Variants in CPSF1 observed in about 807,000 individuals in gnomAD.
The protein encoded by CPSF1 is cleavage and polyadenylation specificity factor subunit 1.
A neutral mutation model predicts 175.8 loss-of-function variants in CPSF1; 106 were observed. The observed-to-expected ratio is 0.60, with a 90% CI of 0.52 to 0.71. The LOEUF (loss-of-function observed/expected upper bound fraction) is 0.71. Ranked by LOEUF, CPSF1 falls within the 30% of genes least tolerant of loss-of-function variation. The pLI is 0.00. For missense variants in CPSF1, 1,734 were observed against 2,022.9 expected (o/e 0.86, Z 2.74); for synonymous variants, 1,024 against 858.3 (o/e 1.19, Z -3.37).
chr8:144,397,766 G>A lies in CPSF1; in HGVS notation c.2187C>T (p.Ala729=), dbSNP rs782169258. The change falls in exon 21 of 38, where the codon GCC becomes GCT. Residue 729 remains alanine (A), a synonymous_variant. Coordinates refer to ENST00000616140, the MANE Select transcript of CPSF1 (RefSeq NM_013291.3). ...DELGGRSGPE[A]EGLGSETSPT... ...ACCTAGTCTCTGAGCCCAGGCCCTC[G>A]GCCTCCGGGCCACTGCGGCCCCCGA... is the stretch of plus-strand genomic sequence containing the variant. 3.3e-5 allele frequency: 53 copies of A among 1,608,246 alleles called. No homozygotes were observed. Among genetic ancestry groups the A allele is most frequent in the East Asian group, 4.5e-5 (2 of 44,758 alleles).
intron 6 of CPSF1, 22 bp from the exon 7 acceptor site, chr8:144,400,839 C>G (rs2116878780): frequency 1.9e-6 from 3 of 1,612,318 alleles, no homozygotes; most frequent in South Asian, 2.2e-5. Flanking sequence ...GGGGCTTCAG[C>G]AGGAGAGGAG....
chr8:144,398,103 G>A lies in CPSF1; in HGVS notation c.1924C>T (p.Leu642=). 3.1e-6 allele frequency: 5 copies of A among 1,603,322 alleles called. No individual in the cohort carries two copies. Among genetic ancestry groups the A allele is most frequent in the Non-Finnish European group, 3.4e-6 (4 of 1,174,862 alleles). ...VNQLHFIPVD[L]GAPIVQCAVA... ...GCGCACTGCACGATGGGGGCGCCCA[G>A]GTCCACGGGGATGAAGTGCAGCTGA... Residue 642 remains leucine (L), a synonymous_variant, in exon 20 of 38, where the codon CTG becomes TTG. Coordinates refer to ENST00000616140, the MANE Select transcript of CPSF1 (RefSeq NM_013291.3).
rs373599388 is a variant in CPSF1 at position 144,396,014 on chromosome 8, C to G, written c.2979+334G>C. ...GGATGAGAAAGCCTGTGTGCCCTCC[C>G]AAAGTCACAGAGCAGCCAAGGGGCA... On this transcript the variant is annotated intron_variant, in intron 26 of 37. Coordinates refer to ENST00000616140, the MANE Select transcript of CPSF1 (RefSeq NM_013291.3). 2.3e-3 allele frequency: 978 copies of G among 419,030 alleles called. 16 individuals carry two copies. In the South Asian group the frequency reaches 0.027, roughly 12 times the overall value. 26.0% of individuals were successfully genotyped at this position (419,030 alleles called of 1,614,324 possible).
chr8:144,394,991 C>G lies in CPSF1; in HGVS notation c.3305G>C (p.Cys1102Ser). The G allele has an allele frequency of 6.2e-7, 1 of 1,612,356 alleles. No individual in the cohort carries two copies. Among genetic ancestry groups the G allele is most frequent in the Non-Finnish European group, 8.5e-7 (1 of 1,179,468 alleles). ...IELQEWEHVT[C>S]MKTVSLRSEE... ...ACTGCGCAGAGACACTGTCTTCATGCAGGTCACATGCTCCCACTCCTGCAG... is the reference window on the plus strand; with the variant it reads ...ACTGCGCAGAGACACTGTCTTCATGGAGGTCACATGCTCCCACTCCTGCAG... Residue 1102 changes from cysteine to serine, a missense_variant, in exon 30 of 38, where the codon TGC becomes TCC. Coordinates refer to ENST00000616140, the MANE Select transcript of CPSF1 (RefSeq NM_013291.3).
Position 144,397,240 on chromosome 8 carries a change from C to T in CPSF1, c.2559G>A (p.Ala853=), listed in dbSNP as rs113296524. Residue 853 remains alanine (A), a synonymous_variant, in exon 23 of 38, where the codon GCG becomes GCA. Coordinates refer to ENST00000616140, the MANE Select transcript of CPSF1 (RefSeq NM_013291.3). ...AGGGCCTGCTCTGGCGGCTGCCCAG[C>T]GCCACCAGCAGCACCTCCTTGACGA... is the stretch of plus-strand genomic sequence containing the variant. ...LPLVKEVLLV[A]LGSRQSRPYL... 1,698 of 1,549,024 alleles carry T rather than the reference C, an allele frequency of 1.1e-3. 22 individuals carry two copies. In the African/African-American group the frequency reaches 0.021, roughly 19 times the overall value.
In CPSF1 at chr8:144,399,068, C is replaced by T. The variant is rs1351295983; in HGVS notation, c.1468-30G>A. Reference sequence around the variant, plus strand: ...ACAGGACTCGGGGGTGAGGACTATGCCCCCCACCCCCCCTCACACTCCAGC... The same window carrying T: ...ACAGGACTCGGGGGTGAGGACTATGTCCCCCACCCCCCCTCACACTCCAGC... On this transcript the variant is annotated intron_variant, in intron 15 of 37. Transcript: ENST00000616140. This position sits in a 1 kb window ranked among gnomAD's most constrained non-coding sequence, Gnocchi z 6.4. 3 of 1,516,180 alleles carry T rather than the reference C, an allele frequency of 2.0e-6. No homozygotes were observed. The highest frequency in any genetic ancestry group is 2.7e-6 in the Non-Finnish European group (3 of 1,116,486). 93.9% of individuals were successfully genotyped at this position (1,516,180 alleles called of 1,614,324 possible). A position where few individuals can be genotyped will look rare whatever the true frequency, so the allele number is the denominator to read the frequency against.
chr8:144,396,181 GCAACCAAGTCA>G (rs1554863619), intron 26 of CPSF1, 156 bp downstream of exon 26: 4 of 730,610 alleles, frequency 5.5e-6, no homozygotes, highest in Non-Finnish European at 8.9e-6. Context: ...GACCTTTGGA[GCAACCAAGTCA>G]CAGGTTCCAC....
rs1554863062 is a variant in CPSF1 at position 144,394,890 on chromosome 8, G to A, written c.3406C>T (p.Arg1136Ter). Reference protein sequence around the residue: ...CLMQGEEVTCRGRILIMDVIE... With the variant: ...CLMQGEEVTC The stretch of plus-strand genomic sequence containing the variant: ...GCTCACTGGCCCCTTACCCGCCCTC[G>A]GCACGTGACCTCCTCCCCCTGCATG... The change falls in exon 30 of 38, where the codon CGA becomes TGA. Residue 1136 changes from arginine (R) to a stop codon, truncating the protein, a stop_gained. Coordinates refer to ENST00000616140, the MANE Select transcript of CPSF1 (RefSeq NM_013291.3). LOFTEE classifies it high-confidence loss of function. The A allele has an allele frequency of 6.8e-6, 11 of 1,611,758 alleles. No individual in the cohort carries two copies. The highest frequency in any genetic ancestry group is 2.7e-5 in the African/African-American group (2 of 74,896).
In CPSF1 at chr8:144,401,650, G is replaced by A. The variant is rs2116886384; in HGVS notation, c.168C>T (p.Ser56=). Residue 56 remains serine, a synonymous_variant, in exon 3 of 38, where the codon AGC becomes AGT. Transcript: ENST00000616140. ...DAEALTKNDR[S]TEGKAHREKL... ...AGGCCGCCCCACCACACTCACCTGT[G>A]CTCCTGTCATTCTTGGTCAGAGCCT... is the stretch of plus-strand genomic sequence containing the variant. 1 of 1,610,834 alleles carries A rather than the reference G, an allele frequency of 6.2e-7. No homozygotes were observed. Among genetic ancestry groups the A allele is most frequent in the Non-Finnish European group, 8.5e-7 (1 of 1,178,648 alleles).
Position 144,396,378 on chromosome 8 carries a change from A to G in CPSF1, c.2949T>C (p.Cys983=). The change falls in exon 26 of 38, where the codon TGT becomes TGC. Residue 983 remains cysteine, a synonymous_variant. Transcript: ENST00000616140. ...DSFAPFHNVN[C]PRGFLYFNRQ... The stretch of plus-strand genomic sequence containing the variant: ...TGTTGAAGTACAGGAAGCCGCGGGG[A>G]CAGTTGACATTGTGGAATGGAGCGA... 6.3e-7 allele frequency: 1 copy of G among 1,588,444 alleles called. No homozygotes were observed. Among genetic ancestry groups the G allele is most frequent in the African/African-American group, 1.3e-5 (1 of 74,768 alleles).
chr8:144,395,432 G>C lies in CPSF1; in HGVS notation c.3096+3C>G. The C allele has an allele frequency of 1.2e-6, 2 of 1,612,968 alleles. No individual in the cohort carries two copies. The highest frequency in any genetic ancestry group is 1.7e-6 in the Non-Finnish European group (2 of 1,179,858). ...CCCTGGTGGGGTGGGGGTGGGGGCA[G>C]ACCTTAGACTCCACGTGGTAAGCCA... On this transcript the variant is annotated splice_donor_region_variant and intron_variant, in intron 27 of 37. Coordinates refer to ENST00000616140, the MANE Select transcript of CPSF1 (RefSeq NM_013291.3).
At chr8:144,402,299 TTTTTTTG>T (rs2116890481) in intron 2 of CPSF1, among the ~76,000 whole-genome samples, 509 of 152,298 alleles carry the variant, frequency 3.3e-3, no homozygotes, top group African/African-American at 9.2e-3. Context: ...TTGTTTTGTT[TTTTTTTG>T]TTTTTTGTTT....
At chr8:144,402,818 A>T (rs1353079488) in intron 2 of CPSF1, among the ~76,000 whole-genome samples, 2 of 152,172 alleles carry the variant, frequency 1.3e-5, no homozygotes, top group Non-Finnish European at 2.9e-5. Context: ...CAGGTGGCTC[A>T]GGCCACCCCA....
chr8:144,395,600 G>A (rs1554863484), intron 26 of CPSF1, 49 bp from the exon 27 acceptor site: 2 of 1,504,320 alleles, frequency 1.3e-6, no homozygotes, highest in Non-Finnish European at 1.8e-6. Context: ...GCCAAGGGCA[G>A]GGGCAGGCAG....
chr8:144,407,125 G>T (rs1821538468), intron 2 of CPSF1, among the ~76,000 whole-genome samples: 1 of 151,824 alleles, frequency 6.6e-6, no homozygotes, highest in African/African-American at 2.4e-5. Context: ...ACGTTGGCCA[G>T]ACTGGTCTCG....
intron 9 of CPSF1, 32 bp downstream of exon 9, chr8:144,400,134 G>GCCCCCCCCCCC (rs782373475): frequency 1.1e-4 from 102 of 966,484 alleles, no homozygotes; most frequent in South Asian, 2.2e-4. Context: ...GCCGTCCCCG[G>GCCCCCCCCCCC]GCCCCCCCCG....
chr8:144,402,452 G>A (rs2116891523), intron 2 of CPSF1, among the ~76,000 whole-genome samples: 21 of 152,206 alleles, frequency 1.4e-4, no homozygotes, highest in African/African-American at 4.3e-4. Context: ...TTACAGGTGC[G>A]TGCCACCATG....
intron 2 of CPSF1, among the ~76,000 whole-genome samples, chr8:144,407,001 C>T (rs1301117856): frequency 6.6e-5 from 10 of 152,086 alleles, no homozygotes; most frequent in Non-Finnish European, 1.2e-4. Flanking sequence ...CTGCAACCTC[C>T]GCCTACGGGT....
At position 144,398,893 on chromosome 8, in the gene CPSF1, G is replaced by A. The variant is rs1554865242; in HGVS notation, c.1549-25C>T. 1.9e-6 allele frequency: 3 copies of A among 1,609,254 alleles called. No individual in the cohort carries two copies. In the African/African-American group the frequency reaches 4.0e-5, roughly 22 times the overall value. ...TCTAGAATGATGATGGGGTGGGGGT[G>A]TGATGGGGGTGTGAGCCCACCCAGG... On this transcript the variant is annotated intron_variant, in intron 16 of 37. Transcript: ENST00000616140.
Sources: gnomAD v4.1 joint callset for allele counts (sites outside exome capture counted in the v4.1 genomes callset) on GRCh38, gnomAD v4.1.1 for gene constraint, Gnocchi (gnomAD v3.1) non-coding constraint, MANE v1.5 for transcripts, NCBI Gene and HGNC (gene_info 2026-07-23, HGNC 2026-07-21) for gene names.